Variants in FAAP24 observed in about 807,000 individuals in gnomAD.
FAAP24 encodes FA core complex associated protein 24.
FAAP24 carries 16 observed loss-of-function variants against 14.3 expected under a neutral mutation model. The observed-to-expected ratio is 1.12, with a 90% CI of 0.76 to 1.69. The LOEUF (loss-of-function observed/expected upper bound fraction) is 1.69. FAAP24 is among the 40% of genes most tolerant of loss of function. The pLI is 0.00. For synonymous variants in FAAP24, 111 were observed against 106.2 expected (o/e 1.04, Z -0.28); for missense variants, 234 against 262.7 (o/e 0.89, Z 0.75).
chr19:32,972,714 T>A lies in FAAP24; in HGVS notation c.-14+368T>A, dbSNP rs1971449484. Among the ~76,000 whole-genome samples, 5 of 96,172 alleles carry A rather than the reference T, an allele frequency of 5.2e-5. No homozygotes were observed. In the South Asian group the frequency reaches 1.7e-3, roughly 32 times the overall value. 63.1% of individuals were successfully genotyped at this position (96,172 alleles called of 152,430 possible). ...AGGCCTTTGTGTTTTCTTTTTCTTT[T>A]CTTTTTTTTTTTTTTTTTTGAGACG... On this transcript the variant is annotated intron_variant, in intron 1 of 4. Transcript: ENST00000588258.
intron 4 of FAAP24, among the ~76,000 whole-genome samples, chr19:32,975,714 T>C (rs1319931918): frequency 6.6e-6 from 1 of 152,166 alleles, no homozygotes; most frequent in Non-Finnish European, 1.5e-5. Flanking sequence ...CGCCTCAGCC[T>C]CCCAAAGTGC....
At chr19:32,976,014 C>A (rs557821722) in intron 4 of FAAP24, among the ~76,000 whole-genome samples, 118 of 152,328 alleles carry the variant, frequency 7.7e-4, no homozygotes, top group African/African-American at 2.8e-3. Flanking sequence ...CTTGATATAA[C>A]ACTGTTGTCT....
intron 4 of FAAP24, among the ~76,000 whole-genome samples, chr19:32,974,747 C>T (rs1244635641): frequency 2.6e-5 from 4 of 152,058 alleles, no homozygotes; most frequent in Non-Finnish European, 5.9e-5. Flanking sequence ...TGCTCCATTG[C>T]ACTCCAGCCT....
At position 32,973,713 on chromosome 19, in the gene FAAP24, A is replaced by T. The variant is rs755351582; in HGVS notation, c.243+151A>T. 173 of 829,564 alleles carry T rather than the reference A, an allele frequency of 2.1e-4. 1 individual carries two copies. Among genetic ancestry groups the T allele is most frequent in the Non-Finnish European group, 2.9e-4 (153 of 534,400 alleles). 51.4% of individuals were successfully genotyped at this position (829,564 alleles called of 1,614,324 possible). On this transcript the variant is annotated intron_variant, in intron 3 of 4. Transcript: ENST00000588258. Reference sequence around the variant, plus strand: ...CTGCTAAAAATACAAAAATTAGCTGAGTATGGTGGCGCACGCCTGTAATCC... The same window carrying T: ...CTGCTAAAAATACAAAAATTAGCTGTGTATGGTGGCGCACGCCTGTAATCC...
At position 32,976,982 on chromosome 19, in the gene FAAP24, A is replaced by C; in HGVS notation, c.*300A>C. Reference sequence around the variant, plus strand: ...CTTGAACCCGGGAGGCGGAGGTTGCAGTGAGCTGAGATCGTGCCACTGCAC... The same window carrying C: ...CTTGAACCCGGGAGGCGGAGGTTGCCGTGAGCTGAGATCGTGCCACTGCAC... On this transcript the variant is annotated 3_prime_UTR_variant, in exon 5 of 5. Transcript: ENST00000588258. The C allele has an allele frequency of 2.1e-6, 1 of 484,716 alleles. No individual in the cohort carries two copies. Among genetic ancestry groups the C allele is most frequent in the South Asian group, 4.1e-5 (1 of 24,672 alleles). The allele number at this position is 484,716 out of a possible 1,614,324, so 30.0% of individuals were successfully genotyped here. A position where few individuals can be genotyped will look rare whatever the true frequency, so the allele number is the denominator to read the frequency against.
intron 4 of FAAP24, among the ~76,000 whole-genome samples, chr19:32,975,749 C>T (rs1481855686): frequency 6.6e-5 from 10 of 152,202 alleles, no homozygotes; most frequent in Admixed American, 2.0e-4. Context: ...TGAGCCATCG[C>T]GCCCGGCCGC....
chr19:32,974,880 T>G (rs1319751271), intron 4 of FAAP24, among the ~76,000 whole-genome samples: 2 of 152,050 alleles, frequency 1.3e-5, no homozygotes, highest in Non-Finnish European at 2.9e-5. Flanking sequence ...GTTTTTTTTT[T>G]TTCCCTTTTT....
chr19:32,975,616 C>T (rs941508609), intron 4 of FAAP24, among the ~76,000 whole-genome samples: 2 of 151,832 alleles, frequency 1.3e-5, no homozygotes, highest in African/African-American at 4.8e-5. Flanking sequence ...CCCGCCACCA[C>T]GCCCAGCTAA....
Position 32,973,218 on chromosome 19 carries a change from G to A in FAAP24, c.22G>A (p.Asp8Asn). The part of the protein sequence containing the change: MEKNPPD[D>N]TGPVHVPLGH... ...ATCCATGGAAAAGAACCCCCCTGAT[G>A]ATACGGGCCCCGTGCACGTGCCTTT... Residue 8 changes from aspartate (D) to asparagine (N), a missense_variant, in exon 2 of 5, where the codon GAT (aspartate) becomes AAT (asparagine). Transcript: ENST00000588258. 1 of 1,613,708 alleles carries A rather than the reference G, an allele frequency of 6.2e-7. No individual in the cohort carries two copies. Among genetic ancestry groups the A allele is most frequent in the Non-Finnish European group, 8.5e-7 (1 of 1,180,018 alleles).
intron 4 of FAAP24, among the ~76,000 whole-genome samples, chr19:32,974,735 G>A (rs915601032): frequency 6.6e-6 from 1 of 152,094 alleles, no homozygotes; most frequent in African/African-American, 2.4e-5. Context: ...AGTGAGTGGA[G>A]ATGCTCCATT....
Position 32,977,173 on chromosome 19 carries a change from G to T in FAAP24, c.*491G>T, listed in dbSNP as rs1016640501. 5.0e-6 allele frequency: 2 copies of T among 401,256 alleles called. No homozygotes were observed. Among genetic ancestry groups the T allele is most frequent in the Non-Finnish European group, 8.8e-6 (2 of 227,664 alleles). The allele number at this position is 401,256 out of a possible 1,614,324, so 24.9% of individuals were successfully genotyped here. On this transcript the variant is annotated 3_prime_UTR_variant, in exon 5 of 5. Transcript: ENST00000588258. ...CGTCTGAGTTCAGCTTGTGAAGTTA[G>T]TGGGCCGCAGAGGGCACTGCCTTCA... is the stretch of plus-strand genomic sequence containing the variant.
Position 32,977,094 on chromosome 19 carries a change from C to A in FAAP24, c.*412C>A. Reference sequence around the variant, plus strand: ...GAAAAAGGATTTTCTCCAGCAGCAACCAGTGAAAGATGAGGCGAGGCTTGA... The same window carrying A: ...GAAAAAGGATTTTCTCCAGCAGCAAACAGTGAAAGATGAGGCGAGGCTTGA... On this transcript the variant is annotated 3_prime_UTR_variant, in exon 5 of 5. Coordinates refer to ENST00000588258, the MANE Select transcript of FAAP24 (RefSeq NM_152266.5). 2.5e-6 allele frequency: 1 copy of A among 406,752 alleles called. No individual in the cohort carries two copies. 25.2% of individuals were successfully genotyped at this position (406,752 alleles called of 1,614,324 possible).
chr19:32,975,559 A>G (rs1457992096), intron 4 of FAAP24, among the ~76,000 whole-genome samples: 1 of 150,676 alleles, frequency 6.6e-6, no homozygotes, highest in African/African-American at 2.4e-5. Flanking sequence ...TCCTGAGTTC[A>G]AGTGATTCTC....
rs1971530183 is a variant in FAAP24, at chr19:32,977,063, A to G, written c.*381A>G. ...CTCAAAGAAAACAACAAAAAAAAAAAAAAAAGAAAAAGGATTTTCTCCAGC... is the reference window on the plus strand; with the variant it reads ...CTCAAAGAAAACAACAAAAAAAAAAGAAAAAGAAAAAGGATTTTCTCCAGC... On this transcript the variant is annotated 3_prime_UTR_variant, in exon 5 of 5. Transcript: ENST00000588258. 4.9e-6 allele frequency: 2 copies of G among 405,798 alleles called. No homozygotes were observed. Among genetic ancestry groups the G allele is most frequent in the Non-Finnish European group, 4.3e-6 (1 of 230,296 alleles). 25.1% of individuals were successfully genotyped at this position (405,798 alleles called of 1,614,324 possible).
intron 4 of FAAP24, 94 bp downstream of exon 4, chr19:32,974,306 C>T: frequency 7.1e-7 from 1 of 1,402,722 alleles, no homozygotes; most frequent in Non-Finnish European, 9.6e-7. Context: ...CTATGTCATT[C>T]TCTGACTTGG....
chr19:32,974,231 A>G lies in FAAP24; in HGVS notation c.396+19A>G, dbSNP rs764842019. 6.2e-7 allele frequency: 1 copy of G among 1,607,062 alleles called. No individual in the cohort carries two copies. Among genetic ancestry groups the G allele is most frequent in the South Asian group, 1.1e-5 (1 of 89,758 alleles). On this transcript the variant is annotated intron_variant, in intron 4 of 4. Coordinates refer to ENST00000588258, the MANE Select transcript of FAAP24 (RefSeq NM_152266.5). ...CCAGTTGGTGAGTACCGATTCCTAC[A>G]CCTTCGTGGTAGTCCTGTCCTCATG...
In FAAP24 at chr19:32,977,233, G is replaced by C; in HGVS notation, c.*551G>C. 5.0e-6 allele frequency: 2 copies of C among 399,346 alleles called. No individual in the cohort carries two copies. Among genetic ancestry groups the C allele is most frequent in the East Asian group, 3.6e-5 (1 of 28,062 alleles). 24.7% of individuals were successfully genotyped at this position (399,346 alleles called of 1,614,324 possible). ...GACGAAAAGGGCTGGTGGGATCTTC[G>C]CAAGAGAGTCAGGGACTCACACTCA... On this transcript the variant is annotated 3_prime_UTR_variant, in exon 5 of 5. Coordinates refer to ENST00000588258, the MANE Select transcript of FAAP24 (RefSeq NM_152266.5).
intron 4 of FAAP24, among the ~76,000 whole-genome samples, chr19:32,974,490 C>T (rs774947304): frequency 2.6e-5 from 4 of 152,202 alleles, no homozygotes; most frequent in African/African-American, 7.2e-5. Context: ...CTGGTGAAAA[C>T]GTCAACCTAG....
At chr19:32,974,821 CT>C (rs1462439441) in intron 4 of FAAP24, among the ~76,000 whole-genome samples, 4 of 151,886 alleles carry the variant, frequency 2.6e-5, no homozygotes, top group African/African-American at 9.7e-5. Flanking sequence ...TAACTAGAAG[CT>C]GCTTTGTCTC....
Sources: allele counts gnomAD v4.1 joint callset (sites outside exome capture counted in the v4.1 genomes callset), GRCh38; gene constraint gnomAD v4.1.1; transcripts MANE v1.5; gene names NCBI Gene and HGNC (gene_info 2026-07-23, HGNC 2026-07-21).